The following PPP3CB variants were observed in gnomAD, a reference collection of about 807,000 sequenced individuals.
PPP3CB encodes protein phosphatase 3 catalytic subunit beta.
PPP3CB carries 8 observed loss-of-function variants against 66.4 expected under a neutral mutation model. The ratio of observed to expected loss-of-function variants is 0.12; its 90% CI spans 0.07 to 0.22. PPP3CB has a LOEUF of 0.22. PPP3CB is among the 10% of genes least tolerant of loss of function. The probability of loss-of-function intolerance (pLI) is 1.00; values close to 1 mark genes in which losing one functional copy is unlikely to be tolerated. For synonymous variants in PPP3CB, 208 were observed against 221.2 expected, an observed-to-expected ratio of 0.94 and a Z score of 0.53; for missense variants, 319 against 642.5, an observed-to-expected ratio of 0.50 and a Z score of 5.44.
chr10:73,468,532 C>T (rs968233987), intron 8 of PPP3CB, among the ~76,000 whole-genome samples: 1 of 152,132 alleles, frequency 6.6e-6, no homozygotes, highest in Non-Finnish European at 1.5e-5. Flanking sequence ...TATGTCTACC[C>T]TGCCTACCAC....
At chr10:73,444,540 C>G (rs2056214526) in intron 12 of PPP3CB, 185 bp downstream of exon 12, 6 of 1,522,042 alleles carry the variant, frequency 3.9e-6, no homozygotes, top group Non-Finnish European at 5.3e-6. Context: ...CCCATTCTAT[C>G]AGTTTTCTGC....
chr10:73,454,710 T>C (rs2056396339), intron 9 of PPP3CB, among the ~76,000 whole-genome samples: 1 of 150,470 alleles, frequency 6.6e-6, no homozygotes, highest in Non-Finnish European at 1.5e-5. Context: ...TGGAACAAAT[T>C]TTCAGGCCTC....
chr10:73,475,444 AAAC>A (rs2056770806), intron 3 of PPP3CB, among the ~76,000 whole-genome samples: 1 of 152,218 alleles, frequency 6.6e-6, no homozygotes, highest in Admixed American at 6.5e-5. Flanking sequence ...TTTATTCCTC[AAAC>A]AACACTATGA....
At position 73,477,554 on chromosome 10, in the gene PPP3CB, T is replaced by TA. The variant is rs541316447; in HGVS notation, c.411+944dup. ...TATTATAATATGATCCCCTTTTCAT[T>TA]AAAAAAAGAAAAAATGTATATATTG... On this transcript the variant is annotated intron_variant, in intron 3 of 13. Coordinates refer to ENST00000360663, the MANE Select transcript of PPP3CB (RefSeq NM_021132.4). Among the ~76,000 whole-genome samples the TA allele has an allele frequency of 3.2e-4, 49 of 152,196 alleles. 2 individuals carry two copies. The South Asian group carries it at 9.5e-3, about 30-fold the overall frequency.
chr10:73,471,628 AACT>A lies in PPP3CB; in HGVS notation c.524-18_524-16del. The A allele has an allele frequency of 6.4e-7, 1 of 1,554,788 alleles. No homozygotes were observed. The stretch of plus-strand genomic sequence containing the variant: ...CTTAATTTTACCTAGAAAAACAAAA[AACT>A]AATTGAAAATTACATTACTGGTGGT... On this transcript the variant is annotated splice_polypyrimidine_tract_variant and intron_variant, in intron 4 of 13. Transcript: ENST00000360663.
chr10:73,459,331 T>C (rs1178736665), intron 9 of PPP3CB, among the ~76,000 whole-genome samples: 1 of 151,046 alleles, frequency 6.6e-6, no homozygotes, highest in Non-Finnish European at 1.5e-5. Flanking sequence ...ACTAAAAATA[T>C]AAAAATTAGC....
intron 3 of PPP3CB, among the ~76,000 whole-genome samples, chr10:73,475,906 G>A (rs1286819102): frequency 6.6e-6 from 1 of 152,146 alleles, no homozygotes; most frequent in Non-Finnish European, 1.5e-5. Context: ...ACCCAGGTTG[G>A]AGTGCAATGG....
intron 9 of PPP3CB, among the ~76,000 whole-genome samples, chr10:73,459,177 C>T (rs1341317599): frequency 6.6e-6 from 1 of 151,736 alleles, no homozygotes; most frequent in Non-Finnish European, 1.5e-5. Context: ...ATTTCACTCC[C>T]AGGTCTATAC....
At chr10:73,450,025 T>C (rs2056319871) in intron 10 of PPP3CB, among the ~76,000 whole-genome samples, 1 of 152,210 alleles carries the variant, frequency 6.6e-6, no homozygotes, top group Non-Finnish European at 1.5e-5. Context: ...CTCGAACTCC[T>C]GACCTCAGGT....
intron 9 of PPP3CB, 76 bp downstream of exon 9, chr10:73,467,477 G>C: frequency 8.3e-7 from 1 of 1,203,206 alleles, no homozygotes; most frequent in Non-Finnish European, 1.1e-6. Flanking sequence ...CCTTTAGCAA[G>C]TATGTGCCTA....
At chr10:73,471,023 C>T (rs367951865) in intron 6 of PPP3CB, 47 bp downstream of exon 6, 14 of 1,599,174 alleles carry the variant, frequency 8.8e-6, no homozygotes, top group Admixed American at 8.4e-5. Context: ...GAAGCATATG[C>T]TATGTTAACA....
rs771064762 is a variant in PPP3CB at position 73,478,591 on chromosome 10, G to A, written c.319C>T (p.Leu107=). The A allele has an allele frequency of 1.2e-6, 2 of 1,612,158 alleles. No individual in the cohort carries two copies. The highest frequency in any genetic ancestry group is 4.5e-5 in the East Asian group (2 of 44,810). The part of the protein sequence containing the change: ...CGDIHGQFFD[L]MKLFEVGGSP... ...CCTCCTACTTCAAAAAGTTTCATCA[G>A]ATCAAAAAATTGGCCATGGATGTCA... Residue 107 remains leucine (L), a synonymous_variant, in exon 3 of 14, where the codon CTG becomes TTG. Transcript: ENST00000360663.
At chr10:73,480,234 CCTTA>C (rs145150284) in intron 1 of PPP3CB, among the ~76,000 whole-genome samples, 4,176 of 152,168 alleles carry the variant, frequency 0.027, 82 homozygotes, top group Non-Finnish European at 0.044. Context: ...TTTTCTCCTA[CCTTA>C]CTTAACGTTT....
At chr10:73,466,309 T>A (rs1265951723) in intron 9 of PPP3CB, among the ~76,000 whole-genome samples, 1 of 152,192 alleles carries the variant, frequency 6.6e-6, no homozygotes, top group Non-Finnish European at 1.5e-5. Context: ...ACGAAATATT[T>A]CCTTATGTGG....
chr10:73,453,695 G>A (rs1477191306), intron 10 of PPP3CB, among the ~76,000 whole-genome samples: 1 of 152,140 alleles, frequency 6.6e-6, no homozygotes, highest in Non-Finnish European at 1.5e-5. Context: ...ACAAAGATAT[G>A]AGGGGAATAT....
intron 9 of PPP3CB, among the ~76,000 whole-genome samples, chr10:73,462,078 C>T (rs2056530184): frequency 6.6e-6 from 1 of 151,774 alleles, no homozygotes; most frequent in African/African-American, 2.4e-5. Flanking sequence ...TCCCCAAAAG[C>T]CGAGGAGATG....
intron 9 of PPP3CB, among the ~76,000 whole-genome samples, chr10:73,457,260 GAAAAAA>G (rs35129439): frequency 1.3e-3 from 93 of 69,022 alleles, no homozygotes; most frequent in African/African-American, 4.3e-3. Context: ...CTCTAAAAAA[GAAAAAA>G]AAAAAAAAAA....
intron 8 of PPP3CB, among the ~76,000 whole-genome samples, chr10:73,468,565 C>T (rs1283943427): frequency 6.6e-6 from 1 of 152,124 alleles, no homozygotes; most frequent in Non-Finnish European, 1.5e-5. Flanking sequence ...TCAGACAATG[C>T]ATTTCACATG....
At chr10:73,472,199 A>G (rs1733814011) in intron 4 of PPP3CB, among the ~76,000 whole-genome samples, 1 of 152,224 alleles carries the variant, frequency 6.6e-6, no homozygotes, top group African/African-American at 2.4e-5. Flanking sequence ...AAGTCAGTCA[A>G]ATCTCTAAAA....
Sources: gnomAD v4.1 joint callset for allele counts (sites outside exome capture counted in the v4.1 genomes callset) on GRCh38, gnomAD v4.1.1 for gene constraint, MANE v1.5 for transcripts, NCBI Gene and HGNC (gene_info 2026-07-23, HGNC 2026-07-21) for gene names.